Variants in CREB5 observed in about 807,000 individuals in gnomAD.
CREB5 encodes cyclic AMP-responsive element-binding protein 5.
CREB5 carries 19 observed loss-of-function variants against 57.1 expected under a neutral mutation model. That is an observed-to-expected ratio of 0.33 (90% confidence interval 0.23 to 0.49). The LOEUF is 0.49. CREB5 is among the 20% of genes least tolerant of loss of function. CREB5 has a pLI of 0.99. For synonymous variants in CREB5, 238 were observed against 238.3 expected (o/e 1.00, Z 0.01); for missense variants, 579 against 671.6 (o/e 0.86, Z 1.52).
chr7:28,489,296 CTT>C (rs70977046), intron 2 of CREB5, among the ~76,000 whole-genome samples: 124 of 96,630 alleles, frequency 1.3e-3, no homozygotes, highest in Middle Eastern at 7.9e-3. Flanking sequence ...GAGGACCCTT[CTT>C]TTTTTTTTTT....
At chr7:28,637,591 G>A (rs754562104) in intron 5 of CREB5, among the ~76,000 whole-genome samples, 7 of 152,126 alleles carry the variant, frequency 4.6e-5, no homozygotes, top group Non-Finnish European at 1.0e-4. Flanking sequence ...GGAAAGTGAC[G>A]TTTCAGATGA....
At chr7:28,680,314 C>A (rs1800523006) in intron 5 of CREB5, among the ~76,000 whole-genome samples, 1 of 152,122 alleles carries the variant, frequency 6.6e-6, no homozygotes, top group South Asian at 2.1e-4. Flanking sequence ...TTGGGTTGTC[C>A]ACCTCTCCCA....
intron 1 of CREB5, among the ~76,000 whole-genome samples, chr7:28,361,574 C>T (rs1290891458): frequency 6.6e-6 from 1 of 152,182 alleles, no homozygotes; most frequent in East Asian, 1.9e-4. Flanking sequence ...TAAAAACATG[C>T]AGCAGTTTGC....
chr7:28,675,760 G>T (rs1800289069), intron 5 of CREB5, among the ~76,000 whole-genome samples: 1 of 151,886 alleles, frequency 6.6e-6, no homozygotes, highest in Non-Finnish European at 1.5e-5. Context: ...TTCAGCTTGG[G>T]ATAAGGTGCT....
At chr7:28,786,358 T>C (rs2237358) in intron 7 of CREB5, among the ~76,000 whole-genome samples, 27,421 of 152,116 alleles carry the variant, frequency 0.18, 2,900 homozygotes, top group African/African-American at 0.29. Flanking sequence ...GCAATTCTCC[T>C]GCCTCAGCCT....
chr7:28,606,500 T>G (rs1797136284), intron 5 of CREB5, among the ~76,000 whole-genome samples: 1 of 152,190 alleles, frequency 6.6e-6, no homozygotes, highest in African/African-American at 2.4e-5. Context: ...CATCCATCCC[T>G]GGGAATAGGG....
At chr7:28,563,704 A>G (rs1191163442) in intron 4 of CREB5, among the ~76,000 whole-genome samples, 1 of 152,168 alleles carries the variant, frequency 6.6e-6, no homozygotes, top group Non-Finnish European at 1.5e-5. Context: ...TTTCTTAGTG[A>G]AAAAGCAGAA....
chr7:28,614,953 A>C (rs191143030), intron 5 of CREB5: 3 of 152,256 alleles, frequency 2.0e-5, no homozygotes, highest in Non-Finnish European at 4.4e-5. Context: ...AAGTAACCAC[A>C]ATACCATTTC....
intron 1 of CREB5, among the ~76,000 whole-genome samples, chr7:28,427,525 C>T (rs1384213269): frequency 6.6e-6 from 1 of 152,104 alleles, no homozygotes; most frequent in African/African-American, 2.4e-5. Flanking sequence ...TAGGGTTGAG[C>T]TTAGGCACAA....
chr7:28,798,891 G>A (rs1808208790), intron 7 of CREB5, among the ~76,000 whole-genome samples: 1 of 152,116 alleles, frequency 6.6e-6, no homozygotes, highest in Admixed American at 6.6e-5. Flanking sequence ...GCATTAGGTG[G>A]AATGTTATTT....
chr7:28,410,408 C>T (rs777957090), upstream of CREB5: 97 of 456,622 alleles, frequency 2.1e-4, no homozygotes, highest in Non-Finnish European at 3.8e-4. Context: ...GGCAGATTCT[C>T]GGCAGAATCA....
At chr7:28,388,842 T>G (rs1787159300) in intron 1 of CREB5, among the ~76,000 whole-genome samples, 1 of 152,218 alleles carries the variant, frequency 6.6e-6, no homozygotes, top group African/African-American at 2.4e-5. Context: ...TCTCCCAAAT[T>G]ATGATAACTT....
chr7:28,508,102 G>A (rs1003005771), intron 4 of CREB5, among the ~76,000 whole-genome samples: 14 of 152,206 alleles, frequency 9.2e-5, no homozygotes, highest in Admixed American at 5.2e-4. Context: ...TTTGGCCCAT[G>A]TTGTAACTGT....
chr7:28,304,126 A>G (rs1785146357), intron 1 of CREB5, among the ~76,000 whole-genome samples: 1 of 152,224 alleles, frequency 6.6e-6, no homozygotes, highest in Admixed American at 6.5e-5. Context: ...TTCTTTATCT[A>G]CAAGTCTTCT....
At chr7:28,740,697 A>G (rs1474592506) in intron 7 of CREB5, among the ~76,000 whole-genome samples, 1 of 152,250 alleles carries the variant, frequency 6.6e-6, no homozygotes, top group African/African-American at 2.4e-5. Context: ...CTCCTCTGAA[A>G]TGGGGTAACC....
chr7:28,663,347 G>T (rs1285457646), intron 5 of CREB5, among the ~76,000 whole-genome samples: 1 of 151,942 alleles, frequency 6.6e-6, no homozygotes, highest in Non-Finnish European at 1.5e-5. Flanking sequence ...TGGGACTACA[G>T]GTGTGCACCA....
chr7:28,495,770 G>A (rs1256172255), intron 3 of CREB5, among the ~76,000 whole-genome samples: 1 of 152,158 alleles, frequency 6.6e-6, no homozygotes, highest in Admixed American at 6.5e-5. Flanking sequence ...TGCAACTTTG[G>A]TAGAATGAGC....
At chr7:28,476,560 G>A (rs1375129376) in intron 1 of CREB5, among the ~76,000 whole-genome samples, 1 of 152,136 alleles carries the variant, frequency 6.6e-6, no homozygotes, top group African/African-American at 2.4e-5. Flanking sequence ...TAAGTAACTT[G>A]CCTAAGATCC....
chr7:28,588,642 G>C (rs1326073773), intron 5 of CREB5, among the ~76,000 whole-genome samples: 1 of 152,160 alleles, frequency 6.6e-6, no homozygotes, highest in Admixed American at 6.5e-5. Context: ...TTTCTCTGGG[G>C]ATACACAAGC....
Sources: allele counts gnomAD v4.1 joint callset (sites outside exome capture counted in the v4.1 genomes callset), GRCh38; gene constraint gnomAD v4.1.1; transcripts MANE v1.5; gene names NCBI Gene and HGNC (gene_info 2026-07-23, HGNC 2026-07-21).